Variants in METTL15 observed in about 807,000 individuals in gnomAD.
The protein encoded by METTL15 is methyltransferase 15, mitochondrial 12S rRNA N4-cytidine, also known as 12S rRNA N(4)-cytidine methyltransferase METTL15.
Under a neutral mutation model 38.3 loss-of-function variants are expected in METTL15, and 34 were observed. The ratio of observed to expected loss-of-function variants is 0.89; its 90% confidence interval spans 0.68 to 1.18. The LOEUF is 1.18. METTL15 is among the 50% of genes most tolerant of loss of function. METTL15 has a pLI of 0.00. For missense variants in METTL15, 438 were observed against 498.4 expected, an observed-to-expected ratio of 0.88 and a Z score of 1.15; for synonymous variants, 162 against 170.9, an observed-to-expected ratio of 0.95 and a Z score of 0.41.
chr11:28,294,635 C>G (rs909807840), intron 5 of METTL15, among the ~76,000 whole-genome samples: 5 of 152,070 alleles, frequency 3.3e-5, no homozygotes, highest in African/African-American at 9.7e-5. Context: ...AGTTTAGTCA[C>G]TGTAAGTCAG....
intron 3 of METTL15, among the ~76,000 whole-genome samples, chr11:28,345,183 T>C (rs1334510346): frequency 6.6e-6 from 1 of 152,182 alleles, no homozygotes; most frequent in Admixed American, 6.6e-5. Context: ...CTTTTCTTTT[T>C]TTGTTGTTGT....
In METTL15 at chr11:28,404,218, G is replaced by T. The variant is rs532086997; in HGVS notation, c.*359-20081G>T. ...AAAAATAAATGTGCCCATATAAAAA[G>T]AAATTGTTACACACAGTTCCGTGGG... On this transcript the variant is annotated intron_variant and NMD_transcript_variant, in intron 5 of 7. Coordinates refer to the METTL15 transcript ENST00000532947. Among the ~76,000 whole-genome samples, 3 of 152,122 alleles carry T rather than the reference G, an allele frequency of 2.0e-5. No individual in the cohort carries two copies. In the South Asian group the frequency reaches 6.2e-4, roughly 32 times the overall value.
chr11:28,151,613 T>C (rs1850093259), intron 3 of METTL15, among the ~76,000 whole-genome samples: 2 of 152,014 alleles, frequency 1.3e-5, no homozygotes, highest in Admixed American at 6.6e-5. Context: ...TATTGCACTG[T>C]TCACTACCCT....
At chr11:28,485,139 A>ACT (rs1491406492) in intron 6 of METTL15, among the ~76,000 whole-genome samples, 9 of 150,364 alleles carry the variant, frequency 6.0e-5, no homozygotes, top group Admixed American at 2.7e-4. Context: ...ACACACACAC[A>ACT]CTCACACCCC....
intron 6 of METTL15, among the ~76,000 whole-genome samples, chr11:28,429,473 T>C (rs1426023114): frequency 1.5e-5 from 2 of 131,032 alleles, no homozygotes; most frequent in Non-Finnish European, 3.2e-5. Context: ...CCCTGCCTGA[T>C]TCTCCTGCCT....
intron 3 of METTL15, among the ~76,000 whole-genome samples, chr11:28,149,031 G>T (rs1849986421): frequency 6.6e-6 from 1 of 151,922 alleles, no homozygotes; most frequent in Non-Finnish European, 1.5e-5. Context: ...TTGACGGCCA[G>T]ACTAAGACAC....
intron 5 of METTL15, among the ~76,000 whole-genome samples, chr11:28,403,496 G>T: frequency 6.6e-6 from 1 of 151,976 alleles, no homozygotes; most frequent in East Asian, 1.9e-4. Context: ...GTATATTTGG[G>T]ATTTCAATCT....
intron 5 of METTL15, among the ~76,000 whole-genome samples, chr11:28,295,665 AAG>A (rs1050474543): frequency 1.6e-4 from 25 of 152,180 alleles, no homozygotes; most frequent in Admixed American, 1.6e-3. Context: ...AAGAGACATC[AAG>A]AGAGATGAAA....
chr11:28,338,311 A>G (rs7121937), downstream of METTL15, among the ~76,000 whole-genome samples: 58,366 of 151,764 alleles, frequency 0.38, 12,941 homozygotes, highest in African/African-American at 0.61. Context: ...CTCCTCATCA[A>G]TTTTTAAATT....
In METTL15 at chr11:28,114,759, GT is replaced by G. The variant is rs1198602903; in HGVS notation, c.270+1159del. 2.6e-5 allele frequency among the ~76,000 whole-genome samples: 4 copies of G among 152,182 alleles called. No homozygotes were observed. The East Asian group carries it at 7.8e-4, about 30-fold the overall frequency. On this transcript the variant is annotated intron_variant, in intron 3 of 6. Transcript: ENST00000407364. ...AGCCACCATGCCCGGCCTTGTACAA[GT>G]TTTGGTATGTACATATGTTTTCAGT...
At chr11:28,430,924 G>T (rs1850919817) in intron 6 of METTL15, among the ~76,000 whole-genome samples, 1 of 116,200 alleles carries the variant, frequency 8.6e-6, no homozygotes, top group African/African-American at 3.1e-5. Context: ...CCCCCGCCCG[G>T]CCAGCCGCCC....
chr11:28,339,536 A>G (rs919017783), intron 3 of METTL15, among the ~76,000 whole-genome samples: 2 of 151,438 alleles, frequency 1.3e-5, no homozygotes, highest in African/African-American at 4.8e-5. Context: ...GAGAATGCAA[A>G]AAAAAAAAAA....
intron 6 of METTL15, among the ~76,000 whole-genome samples, chr11:28,310,406 C>G (rs1249667717): frequency 6.6e-6 from 1 of 151,502 alleles, no homozygotes; most frequent in Non-Finnish European, 1.5e-5. Flanking sequence ...ATAACCAAAC[C>G]CAGGCGTGCA....
At chr11:28,233,690 T>A (rs1853793391) in intron 4 of METTL15, among the ~76,000 whole-genome samples, 1 of 152,122 alleles carries the variant, frequency 6.6e-6, no homozygotes, top group Admixed American at 6.6e-5. Context: ...AGTCAGTCAC[T>A]CAGCTAACAT....
intron 3 of METTL15, among the ~76,000 whole-genome samples, chr11:28,142,394 G>A (rs147754678): frequency 5.9e-5 from 9 of 152,260 alleles, no homozygotes; most frequent in African/African-American, 2.2e-4. Context: ...CTTATTTTTG[G>A]GTAAGTGTTA....
intron 3 of METTL15, chr11:28,163,641 A>T (rs1850552808): frequency 2.5e-6 from 1 of 393,076 alleles, no homozygotes; most frequent in Non-Finnish European, 4.5e-6. Flanking sequence ...TTATCTATTT[A>T]ATTTTCCCCC....
intron 5 of METTL15, among the ~76,000 whole-genome samples, chr11:28,400,888 A>T (rs1850624446): frequency 6.6e-6 from 1 of 152,004 alleles, no homozygotes; most frequent in Admixed American, 6.6e-5. Flanking sequence ...AGAATTGAAA[A>T]CACTGAAGAG....
chr11:28,213,333 CTTTGAAAATAGCAAAAT>C (rs1852720894), intron 4 of METTL15, among the ~76,000 whole-genome samples: 1 of 151,922 alleles, frequency 6.6e-6, no homozygotes, highest in African/African-American at 2.4e-5. Flanking sequence ...AGAGATCAGT[CTTTGAAAATAGCAAAAT>C]CACTTTTGAA....
At chr11:28,378,358 T>G (rs1850343687) in intron 5 of METTL15, among the ~76,000 whole-genome samples, 1 of 152,112 alleles carries the variant, frequency 6.6e-6, no homozygotes, top group Admixed American at 6.5e-5. Context: ...AATCTCGTGG[T>G]GCATCGCTTT....
Sources: allele counts gnomAD v4.1 joint callset (sites outside exome capture counted in the v4.1 genomes callset), GRCh38; gene constraint gnomAD v4.1.1; transcripts MANE v1.5; gene names NCBI Gene and HGNC (gene_info 2026-07-23, HGNC 2026-07-21).